ASAP2: variants seen among roughly 807,000 people sequenced by gnomAD.
ASAP2 encodes the protein ArfGAP with SH3 domain, ankyrin repeat and PH domain 2.
ASAP2 carries 45 observed loss-of-function variants against 131.4 expected under a neutral mutation model. The observed-to-expected ratio is 0.34, with a 90% CI of 0.27 to 0.44. The LOEUF (loss-of-function observed/expected upper bound fraction) is 0.44. Among genes scored for constraint, ASAP2 ranks in the 20% least tolerant of loss-of-function variants. The pLI is 1.00. For synonymous variants in ASAP2, 510 were observed against 503.0 expected (o/e 1.01, Z -0.19); for missense variants, 1,011 against 1,297.0 (o/e 0.78, Z 3.39).
chr2:9,329,159 T>G (rs1357777967), intron 7 of ASAP2, among the ~76,000 whole-genome samples: 1 of 152,148 alleles, frequency 6.6e-6, no homozygotes, highest in Non-Finnish European at 1.5e-5. Flanking sequence ...GGTCTAGGTC[T>G]TAAGGCAGGA....
intron 1 of ASAP2, among the ~76,000 whole-genome samples, chr2:9,279,015 G>A (rs1483545623): frequency 6.6e-6 from 1 of 152,206 alleles, no homozygotes; most frequent in Non-Finnish European, 1.5e-5. Context: ...GCTGCAGAGG[G>A]CTCACGTCCA....
At chr2:9,276,457 T>A (rs777733242) in intron 1 of ASAP2, among the ~76,000 whole-genome samples, 1 of 152,084 alleles carries the variant, frequency 6.6e-6, no homozygotes, top group African/African-American at 2.4e-5. Flanking sequence ...TTGCTAAAGA[T>A]GTTATTCTGA....
At chr2:9,291,036 T>C (rs1217641157) in intron 2 of ASAP2, among the ~76,000 whole-genome samples, 1 of 152,226 alleles carries the variant, frequency 6.6e-6, no homozygotes, top group Non-Finnish European at 1.5e-5. Flanking sequence ...TAATTTTATG[T>C]CCTCCCTTTT....
At chr2:9,383,648 A>C (rs751940759) in intron 20 of ASAP2, among the ~76,000 whole-genome samples, 1 of 152,154 alleles carries the variant, frequency 6.6e-6, no homozygotes, top group Non-Finnish European at 1.5e-5. Flanking sequence ...GAGGCCTTTC[A>C]TTAGTCTTCC....
chr2:9,285,693 T>C (rs1667416123), intron 2 of ASAP2, among the ~76,000 whole-genome samples: 1 of 152,256 alleles, frequency 6.6e-6, no homozygotes. Context: ...GTTTGACATA[T>C]CAGTGGGTGG....
chr2:9,212,349 G>A (rs1262475849), intron 1 of ASAP2, among the ~76,000 whole-genome samples: 1 of 152,142 alleles, frequency 6.6e-6, no homozygotes, highest in Non-Finnish European at 1.5e-5. Flanking sequence ...CCCAGGGCGT[G>A]GGGCTGTGGT....
intron 6 of ASAP2, among the ~76,000 whole-genome samples, chr2:9,327,138 C>T (rs764687014): frequency 1.3e-5 from 2 of 151,798 alleles, no homozygotes; most frequent in South Asian, 4.2e-4. Flanking sequence ...ACCCCACCCC[C>T]GCCCATCCTT....
chr2:9,218,131 C>G (rs921362548), intron 1 of ASAP2, among the ~76,000 whole-genome samples: 1 of 152,138 alleles, frequency 6.6e-6, no homozygotes, highest in Non-Finnish European at 1.5e-5. Flanking sequence ...GGAGGTCCTA[C>G]TCTTCTTGAT....
At chr2:9,402,902 A>G (rs1333688052) in intron 27 of ASAP2, among the ~76,000 whole-genome samples, 1 of 152,216 alleles carries the variant, frequency 6.6e-6, no homozygotes, top group Admixed American at 6.5e-5. Context: ...CAAACTTGTG[A>G]CACTCAGTTC....
chr2:9,276,742 G>A (rs1666785228), intron 1 of ASAP2, among the ~76,000 whole-genome samples: 1 of 152,140 alleles, frequency 6.6e-6, no homozygotes, highest in Admixed American at 6.5e-5. Flanking sequence ...GTTTCACCAT[G>A]TTGGCTAGGC....
intron 1 of ASAP2, among the ~76,000 whole-genome samples, chr2:9,248,056 C>G (rs531254414): frequency 1.3e-5 from 2 of 152,286 alleles, no homozygotes; most frequent in African/African-American, 4.8e-5. Flanking sequence ...CAGCTGTCCT[C>G]GAGTCTGGGA....
chr2:9,254,003 C>T (rs1664913337), intron 1 of ASAP2, among the ~76,000 whole-genome samples: 2 of 150,968 alleles, frequency 1.3e-5, no homozygotes, highest in African/African-American at 2.4e-5. Flanking sequence ...GTTGGGAGTT[C>T]GAGACCAGCC....
At chr2:9,323,380 C>T in intron 6 of ASAP2, 130 bp downstream of exon 6, 2 of 1,365,216 alleles carry the variant, frequency 1.5e-6, no homozygotes, top group Non-Finnish European at 2.0e-6. Flanking sequence ...CCCTTTGCCC[C>T]TGTGTTGACA....
At chr2:9,399,975 C>T in intron 24 of ASAP2, 48 bp from the exon 25 acceptor site, 2 of 1,581,220 alleles carry the variant, frequency 1.3e-6, no homozygotes, top group South Asian at 2.2e-5. Context: ...GAGAAAGGGG[C>T]AGGTGCCCTC....
At chr2:9,334,201 GTT>G (rs111579113) in intron 7 of ASAP2, among the ~76,000 whole-genome samples, 1 of 129,486 alleles carries the variant, frequency 7.7e-6, no homozygotes, top group Non-Finnish European at 1.6e-5. Flanking sequence ...TTTTGTATTT[GTT>G]TTTTTTTTTT....
At chr2:9,218,528 G>A (rs921811404) in intron 1 of ASAP2, among the ~76,000 whole-genome samples, 1 of 152,240 alleles carries the variant, frequency 6.6e-6, no homozygotes, top group East Asian at 1.9e-4. Context: ...CTTGGGTGGA[G>A]AGGAGTCAGC....
chr2:9,227,529 C>A (rs1452960627), intron 1 of ASAP2, among the ~76,000 whole-genome samples: 1 of 152,100 alleles, frequency 6.6e-6, no homozygotes, highest in Non-Finnish European at 1.5e-5. Context: ...AAACGCTATT[C>A]GGGTGGGACA....
chr2:9,312,793 C>G (rs1414441847), intron 3 of ASAP2, among the ~76,000 whole-genome samples: 2 of 152,140 alleles, frequency 1.3e-5, no homozygotes, highest in Non-Finnish European at 2.9e-5. Context: ...CCGTACACCC[C>G]CCTCTCCTGC....
At chr2:9,273,426 T>G (rs553513497) in intron 1 of ASAP2, among the ~76,000 whole-genome samples, 2 of 152,340 alleles carry the variant, frequency 1.3e-5, no homozygotes, top group East Asian at 1.9e-4. Context: ...TATCTATCAG[T>G]GTAACCACCC....
Sources: gnomAD v4.1 joint callset for allele counts (sites outside exome capture counted in the v4.1 genomes callset) on GRCh38, gnomAD v4.1.1 for gene constraint, MANE v1.5 for transcripts, NCBI Gene and HGNC (gene_info 2026-07-23, HGNC 2026-07-21) for gene names.